Variants in LINGO4 observed in about 807,000 individuals in gnomAD.
LINGO4 encodes the protein leucine-rich repeat and immunoglobulin-like domain-containing nogo receptor-interacting protein 4.
A neutral mutation model predicts 27.9 loss-of-function variants in LINGO4; 22 were observed. The observed-to-expected ratio is 0.79, with a 90% CI of 0.56 to 1.13. LINGO4 has a LOEUF of 1.13. Ranked by LOEUF, LINGO4 falls within the 50% of genes most tolerant of loss-of-function variation. The probability of loss-of-function intolerance (pLI) is 0.00; values close to 1 mark genes in which losing one functional copy is unlikely to be tolerated. For synonymous variants in LINGO4, 306 were observed against 325.8 expected, an observed-to-expected ratio of 0.94 and a Z score of 0.65; for missense variants, 706 against 739.4, an observed-to-expected ratio of 0.95 and a Z score of 0.52.
Position 151,802,367 on chromosome 1 carries a change from A to G in LINGO4, c.338T>C (p.Leu113Pro), listed in dbSNP as rs377197858. 2.1e-5 allele frequency: 34 copies of G among 1,614,240 alleles called. No homozygotes were observed. In the East Asian group the frequency reaches 6.9e-4, roughly 33 times the overall value. The change falls in exon 2 of 2, where the codon CTG (leucine) becomes CCG (proline). Residue 113 changes from leucine to proline, a missense_variant. Coordinates refer to ENST00000368820, the MANE Select transcript of LINGO4 (RefSeq NM_001004432.4). ...TCTGAGCCGATTGCCCTGCAGCCTC[A>G]GGGTGAGTAGGCTTTGTAGGCCATG... The part of the protein sequence containing the change: ...AFHGLQSLLT[L>P]RLQGNRLRIM...
In LINGO4 at chr1:151,802,225, C is replaced by G; in HGVS notation, c.480G>C (p.Lys160Asn). 2 of 1,614,208 alleles carry G rather than the reference C, an allele frequency of 1.2e-6. No homozygotes were observed. The highest frequency in any genetic ancestry group is 1.7e-6 in the Non-Finnish European group (2 of 1,180,032). ...CCAGGTGGTTGTCCCCAACCTCCAG[C>G]TTCTGGAGGCTGCCTAGCTCCCCAA... ...GAFGELGSLQ[K>N]LEVGDNHLVF... The change falls in exon 2 of 2, where the codon AAG becomes AAC. Residue 160 changes from lysine (K) to asparagine (N), a missense_variant. Lys to Asn is a moderately conservative substitution (Grantham distance 94). Transcript: ENST00000368820.
chr1:151,802,842 G>C (rs1023157941), intron 1 of LINGO4, 125 bp from the exon 2 acceptor site: 12 of 596,424 alleles, frequency 2.0e-5, no homozygotes, highest in Non-Finnish European at 3.0e-5. Context: ...CCAATAAGTA[G>C]GGCACAGAAC....
chr1:151,804,363 A>G (rs1651229440), intron 1 of LINGO4, among the ~76,000 whole-genome samples: 1 of 152,156 alleles, frequency 6.6e-6, no homozygotes, highest in Non-Finnish European at 1.5e-5. Context: ...ACTGCAGAGC[A>G]GACTCTTCTC....
Position 151,800,663 on chromosome 1 carries a change from G to C in LINGO4, c.*260C>G, listed in dbSNP as rs780457709. On this transcript the variant is annotated 3_prime_UTR_variant, in exon 2 of 2. Coordinates refer to ENST00000368820, the MANE Select transcript of LINGO4 (RefSeq NM_001004432.4). ...GATTATGTTTCCTGTTTTGTGTGTG[G>C]AGGGGGTGAAGCAGGGGCTGGACTA... 27 of 477,436 alleles carry C rather than the reference G, an allele frequency of 5.7e-5. No individual in the cohort carries two copies. Among genetic ancestry groups the C allele is most frequent in the Non-Finnish European group, 1.0e-4 (27 of 269,312 alleles). 29.6% of individuals were successfully genotyped at this position (477,436 alleles called of 1,614,324 possible).
In LINGO4 at chr1:151,801,619, A is replaced by C; in HGVS notation, c.1086T>G (p.Cys362Trp). The C allele has an allele frequency of 6.2e-7, 1 of 1,614,022 alleles. No individual in the cohort carries two copies. Among genetic ancestry groups the C allele is most frequent in the Non-Finnish European group, 8.5e-7 (1 of 1,180,034 alleles). The part of the protein sequence containing the change: ...TLRLSGNPLT[C>W]DCRLLWLLRL... ...GGAGCAGCCAGAGGAGGCGGCAGTCACAGGTTAGGGGGTTGCCAGACAGCC... is the reference window on the plus strand; with the variant it reads ...GGAGCAGCCAGAGGAGGCGGCAGTCCCAGGTTAGGGGGTTGCCAGACAGCC... Residue 362 changes from cysteine to tryptophan, a missense_variant, in exon 2 of 2, where the codon TGT (cysteine) becomes TGG (tryptophan). By Grantham distance (215) the Cys-to-Trp change is radical. Transcript: ENST00000368820. The surrounding 1 kb of genome is among the most constrained non-coding windows in gnomAD (Gnocchi z 5.7).
intron 1 of LINGO4, among the ~76,000 whole-genome samples, chr1:151,804,812 G>C (rs1005999733): frequency 1.2e-4 from 18 of 152,214 alleles, no homozygotes; most frequent in African/African-American, 3.6e-4. Context: ...CACCCCTCAA[G>C]GGTAGGGAGC....
rs1373213621 is a variant in LINGO4 at position 151,801,914 on chromosome 1, A to G, written c.791T>C (p.Leu264Pro). The G allele has an allele frequency of 5.6e-6, 9 of 1,614,106 alleles. No individual in the cohort carries two copies. In the Admixed American group the frequency reaches 8.3e-5, roughly 15 times the overall value. ...LSSLAITRCN[L>P]SSVPFQALYH... is the part of the protein sequence containing the mutation. ...CAGTGCTTGGAAGGGCACCGAGCTC[A>G]GATTGCAGCGAGTGATGGCCAGGCT... The change falls in exon 2 of 2, where the codon CTG (leucine) becomes CCG (proline). Residue 264 changes from leucine (L) to proline (P), a missense_variant. Transcript: ENST00000368820. This position sits in a 1 kb window ranked among gnomAD's most constrained non-coding sequence, Gnocchi z 5.7.
In LINGO4 at chr1:151,801,275, C is replaced by T. The variant is rs746401391; in HGVS notation, c.1430G>A (p.Arg477Gln). Residue 477 changes from arginine to glutamine, a missense_variant, in exon 2 of 2, where the codon CGG becomes CAG. Coordinates refer to ENST00000368820, the MANE Select transcript of LINGO4 (RefSeq NM_001004432.4). This position sits in a 1 kb window ranked among gnomAD's most constrained non-coding sequence, Gnocchi z 5.7. ...CACACAGACATAGGCCCCTCTGTCC[C>T]GTAGCTGCACTGAGCGGATCTCCAG... ...GTLEIRSVQL[R>Q]DRGAYVCVVS... The T allele has an allele frequency of 2.2e-5, 36 of 1,614,034 alleles. No individual in the cohort carries two copies. The East Asian group carries it at 4.7e-4, about 21-fold the overall frequency.
Position 151,800,887 on chromosome 1 carries a change from G to A in LINGO4, c.*36C>T, listed in dbSNP as rs1312585537. On this transcript the variant is annotated 3_prime_UTR_variant, in exon 2 of 2. Transcript: ENST00000368820. ...TCTGTCTTCCCCTTTGGTATCTGAAGCGGACTTGGTGGGTTCCCCACTGGG... is the reference window on the plus strand; with the variant it reads ...TCTGTCTTCCCCTTTGGTATCTGAAACGGACTTGGTGGGTTCCCCACTGGG... 27 of 1,549,086 alleles carry A rather than the reference G, an allele frequency of 1.7e-5. No individual in the cohort carries two copies. Among genetic ancestry groups the A allele is most frequent in the East Asian group, 2.3e-5 (1 of 44,304 alleles).
At position 151,801,026 on chromosome 1, in the gene LINGO4, C is replaced by T. The variant is rs779482005; in HGVS notation, c.1679G>A (p.Gly560Asp). 1 of 1,614,168 alleles carries T rather than the reference C, an allele frequency of 6.2e-7. No homozygotes were observed. Among genetic ancestry groups the T allele is most frequent in the Non-Finnish European group, 8.5e-7 (1 of 1,180,018 alleles). Residue 560 changes from glycine (G) to aspartate (D), a missense_variant, in exon 2 of 2, where the codon GGC (glycine) becomes GAC (aspartate). Coordinates refer to ENST00000368820, the MANE Select transcript of LINGO4 (RefSeq NM_001004432.4). This position sits in a 1 kb window ranked among gnomAD's most constrained non-coding sequence, Gnocchi z 5.7. ...CATGTGATGTTTGACCCGACCTTTG[C>T]CCTTGCTCCAAAGGGCAATCAGGCC... is the stretch of plus-strand genomic sequence containing the variant. ...CFGLIALWSK[G>D]KGRVKHHMTF...
In LINGO4 at chr1:151,801,540, G is replaced by A; in HGVS notation, c.1165C>T (p.His389Tyr). ...TTCAGGCTCTTCCCCTGGACATGAT[G>A]GGGGCCAGCACAGGCAGGGGGGGAC... ...GMSPPACAGPHHVQGKSLKEF... is the reference protein window; with the variant it reads ...GMSPPACAGPYHVQGKSLKEF... Residue 389 changes from histidine to tyrosine, a missense_variant, in exon 2 of 2, where the codon CAT becomes TAT. Physicochemically the swap from His to Tyr is moderately conservative, Grantham distance 83 (BLOSUM62 2). Transcript: ENST00000368820. This position sits in a 1 kb window ranked among gnomAD's most constrained non-coding sequence, Gnocchi z 5.7. 6.2e-7 allele frequency: 1 copy of A among 1,613,922 alleles called. No individual in the cohort carries two copies. Among genetic ancestry groups the A allele is most frequent in the Middle Eastern group, 1.6e-4 (1 of 6,062 alleles).
rs6681388 is a variant in LINGO4, at chr1:151,800,666, G to T, written c.*257C>A. On this transcript the variant is annotated 3_prime_UTR_variant, in exon 2 of 2. Transcript: ENST00000368820. ...TATGTTTCCTGTTTTGTGTGTGGAG[G>T]GGGTGAAGCAGGGGCTGGACTAACG... is the stretch of plus-strand genomic sequence containing the variant. 4,156 of 480,208 alleles carry T rather than the reference G, an allele frequency of 8.7e-3. 128 individuals are homozygous for T. Among genetic ancestry groups the T allele is most frequent in the African/African-American group, 0.072 (3,768 of 52,012 alleles). The allele number at this position is 480,208 out of a possible 1,614,324, so 29.7% of individuals were successfully genotyped here.
chr1:151,801,491 G>A lies in LINGO4; in HGVS notation c.1214C>T (p.Pro405Leu), dbSNP rs763478652. ...SLKEFSDILPPGHFTCKPALI... is the reference protein window; with the variant it reads ...SLKEFSDILPLGHFTCKPALI... ...GGCTGGTTTGCAGGTGAAGTGCCCTGGAGGCAGGATGTCTGAAAACTCCTT... is the reference window on the plus strand; with the variant it reads ...GGCTGGTTTGCAGGTGAAGTGCCCTAGAGGCAGGATGTCTGAAAACTCCTT... Residue 405 changes from proline to leucine, a missense_variant, in exon 2 of 2, where the codon CCA (proline) becomes CTA (leucine). By Grantham distance (98) the Pro-to-Leu change is moderately conservative. Transcript: ENST00000368820. The surrounding 1 kb of genome is among the most constrained non-coding windows in gnomAD (Gnocchi z 5.7). The A allele has an allele frequency of 1.2e-6, 2 of 1,614,026 alleles. No individual in the cohort carries two copies. The highest frequency in any genetic ancestry group is 1.7e-6 in the Non-Finnish European group (2 of 1,180,046).
rs368865205 is a variant in LINGO4, at chr1:151,801,413, G to A, written c.1292C>T (p.Ala431Val). 3.1e-5 allele frequency: 50 copies of A among 1,613,918 alleles called. No homozygotes were observed. In the African/African-American group the frequency reaches 5.6e-4, roughly 18 times the overall value. ...RWVIAEEGGH[A>V]VFSCSGDGDP... ...TCCATCTCCAGAGCAGGAGAAAACC[G>A]CATGCCCGCCCTCCTCTGCAATGAC... The change falls in exon 2 of 2, where the codon GCG becomes GTG. Residue 431 changes from alanine to valine, a missense_variant. Ala to Val is a moderately conservative substitution (Grantham distance 64, BLOSUM62 0). Transcript: ENST00000368820. This position sits in a 1 kb window ranked among gnomAD's most constrained non-coding sequence, Gnocchi z 5.7.
Position 151,802,599 on chromosome 1 carries a change from C to A in LINGO4, c.106G>T (p.Asp36Tyr). 1 of 1,601,242 alleles carries A rather than the reference C, an allele frequency of 6.2e-7. No homozygotes were observed. Among genetic ancestry groups the A allele is most frequent in the Non-Finnish European group, 8.5e-7 (1 of 1,173,712 alleles). The change falls in exon 2 of 2, where the codon GAC becomes TAC. Residue 36 changes from aspartate to tyrosine, a missense_variant. Asp to Tyr is a radical substitution (Grantham distance 160, BLOSUM62 -3). Coordinates refer to ENST00000368820, the MANE Select transcript of LINGO4 (RefSeq NM_001004432.4). ...GSGGSCPAVC[D>Y]CTSQPQAVLC... ...ACAGCCTGGGGCTGGGAGGTGCAGT[C>A]ACACACAGCAGGGCAGCTGCCACCG...
intron 1 of LINGO4, among the ~76,000 whole-genome samples, chr1:151,803,558 G>T (rs1651209047): frequency 6.6e-6 from 1 of 152,230 alleles, no homozygotes; most frequent in Non-Finnish European, 1.5e-5. Flanking sequence ...TTGGTCTTCA[G>T]TCTTGGGCTT....
Position 151,802,715 on chromosome 1 carries a change from G to A in LINGO4, c.-11C>T. The A allele has an allele frequency of 6.7e-7, 1 of 1,481,498 alleles. No homozygotes were observed. The highest frequency in any genetic ancestry group is 2.3e-5 in the East Asian group (1 of 43,004). 91.8% of individuals were successfully genotyped at this position (1,481,498 alleles called of 1,614,324 possible). A position where few individuals can be genotyped will look rare whatever the true frequency, so the allele number is the denominator to read the frequency against. On this transcript the variant is annotated splice_region_variant and 5_prime_UTR_variant, in exon 2 of 2. Transcript: ENST00000368820. ...TGTGGCTGCATCCATTCCCTCTTCA[G>A]TCCTGGAATAGATGATGACATGGCC...
intron 1 of LINGO4, among the ~76,000 whole-genome samples, chr1:151,804,373 C>T (rs903485922): frequency 1.3e-5 from 2 of 152,132 alleles, no homozygotes; most frequent in African/African-American, 4.8e-5. Context: ...AGACTCTTCT[C>T]GCCCCAAACT....
chr1:151,801,680 G>C lies in LINGO4; in HGVS notation c.1025C>G (p.Thr342Arg), dbSNP rs1276455079. ...ADNALQTLEE[T>R]AFPSPDKLVT... ...CAGTTTGTCTGGAGAAGGGAAAGCTGTTTCCTCTAGTGTCTGAAGGGCGTT... is the reference window on the plus strand; with the variant it reads ...CAGTTTGTCTGGAGAAGGGAAAGCTCTTTCCTCTAGTGTCTGAAGGGCGTT... The change falls in exon 2 of 2, where the codon ACA becomes AGA. Residue 342 changes from threonine to arginine, a missense_variant. By Grantham distance (71) the Thr-to-Arg change is moderately conservative. Coordinates refer to ENST00000368820, the MANE Select transcript of LINGO4 (RefSeq NM_001004432.4). This position sits in a 1 kb window ranked among gnomAD's most constrained non-coding sequence, Gnocchi z 5.7. 1.2e-6 allele frequency: 2 copies of C among 1,614,224 alleles called. No homozygotes were observed. Among genetic ancestry groups the C allele is most frequent in the Admixed American group, 1.7e-5 (1 of 60,032 alleles).
Sources: gnomAD v4.1 joint callset for allele counts (sites outside exome capture counted in the v4.1 genomes callset) on GRCh38, gnomAD v4.1.1 for gene constraint, Gnocchi (gnomAD v3.1) non-coding constraint, MANE v1.5 for transcripts, NCBI Gene and HGNC (gene_info 2026-07-23, HGNC 2026-07-21) for gene names.